PPP2R5B: variants seen among roughly 807,000 people sequenced by gnomAD.
PPP2R5B encodes protein phosphatase 2 regulatory subunit B'beta, also known as serine/threonine-protein phosphatase 2A 56 kDa regulatory subunit beta isoform.
PPP2R5B carries 19 observed loss-of-function variants against 59.9 expected under a neutral mutation model. The ratio of observed to expected loss-of-function variants is 0.32; its 90% CI spans 0.22 to 0.47. The LOEUF (loss-of-function observed/expected upper bound fraction) is 0.47. Among genes scored for constraint, PPP2R5B ranks in the 20% least tolerant of loss-of-function variants. The pLI is 1.00. For synonymous variants in PPP2R5B, 286 were observed against 260.5 expected (o/e 1.10, Z -0.94); for missense variants, 441 against 640.2 (o/e 0.69, Z 3.36).
intron 2 of PPP2R5B, among the ~76,000 whole-genome samples, chr11:64,926,239 G>A (rs1272066754): frequency 6.6e-6 from 1 of 152,242 alleles, no homozygotes; most frequent in Admixed American, 6.5e-5. Flanking sequence ...CCAGCTGCCA[G>A]ATCCCTGGAG....
At chr11:64,933,315 G>C in intron 13 of PPP2R5B, 69 bp downstream of exon 13, 1 of 1,352,894 alleles carries the variant, frequency 7.4e-7, no homozygotes, top group South Asian at 1.2e-5. Context: ...CATGGCTGGA[G>C]GGAACCCGAG....
chr11:64,930,671 A>C (rs373580271), intron 8 of PPP2R5B, 82 bp downstream of exon 8: 21 of 1,167,846 alleles, frequency 1.8e-5, no homozygotes, highest in Non-Finnish European at 2.6e-5. Context: ...CAGATCCTCC[A>C]GGGATCCTAT....
chr11:64,927,474 G>T (rs1945180574), intron 3 of PPP2R5B, among the ~76,000 whole-genome samples: 1 of 152,190 alleles, frequency 6.6e-6, no homozygotes, highest in African/African-American at 2.4e-5. Context: ...AGCACTTTGG[G>T]CCAAGGCGAG....
In PPP2R5B at chr11:64,930,319, C is replaced by T; in HGVS notation, c.723-3C>T. ...TGAGCCCACCTGCGTTCTTCTCTTG[C>T]AGGTTCATCTATGAATTCGAGCACT... On this transcript the variant is annotated splice_polypyrimidine_tract_variant and splice_region_variant and intron_variant, in intron 6 of 13. Transcript: ENST00000164133. The T allele has an allele frequency of 2.5e-6, 4 of 1,614,016 alleles. No homozygotes were observed. The highest frequency in any genetic ancestry group is 3.4e-6 in the Non-Finnish European group (4 of 1,179,956).
upstream of PPP2R5B, among the ~76,000 whole-genome samples, chr11:64,922,034 C>G (rs1364459498): frequency 1.3e-5 from 2 of 152,136 alleles, no homozygotes; most frequent in Non-Finnish European, 2.9e-5. Context: ...TAGCAAAACC[C>G]TGTCTCTACA....
Position 64,928,106 on chromosome 11 carries a change from ACTTCC to A in PPP2R5B, c.540_544del (p.Asp180GlufsTer22). 6.2e-7 allele frequency: 1 copy of A among 1,614,206 alleles called. No homozygotes were observed. Among genetic ancestry groups the A allele is most frequent in the South Asian group, 1.1e-5 (1 of 91,088 alleles). On this transcript the variant is annotated frameshift_variant, in exon 5 of 14. Transcript: ENST00000164133. LOFTEE classifies it high-confidence loss of function. ...TTCCTGCGTTTCTTGGAGAGCCCAG[ACTTCC>A]AGCCCTCCGTGGCCAAGAGATATGT...
At chr11:64,926,231 A>G (rs1342554610) in intron 2 of PPP2R5B, among the ~76,000 whole-genome samples, 1 of 152,230 alleles carries the variant, frequency 6.6e-6, no homozygotes, top group Non-Finnish European at 1.5e-5. Flanking sequence ...CAGCCCAGCC[A>G]GCTGCCAGAT....
intron 11 of PPP2R5B, among the ~76,000 whole-genome samples, chr11:64,932,402 T>C (rs1342581125): frequency 6.6e-6 from 1 of 152,218 alleles, no homozygotes; most frequent in African/African-American, 2.4e-5. Flanking sequence ...TTCTGGCACT[T>C]CGGTTCATTA....
chr11:64,930,475 C>T lies in PPP2R5B; in HGVS notation c.783-6C>T, dbSNP rs1945216809. On this transcript the variant is annotated splice_polypyrimidine_tract_variant and splice_region_variant and intron_variant, in intron 7 of 13. Transcript: ENST00000164133. The stretch of plus-strand genomic sequence containing the variant: ...GCCCTCTTCCTCTCTTCTGCCTCCT[C>T]CTCAGCATCATCAATGGCTTTGCGC... The T allele has an allele frequency of 6.2e-6, 10 of 1,614,126 alleles. No homozygotes were observed. Among genetic ancestry groups the T allele is most frequent in the African/African-American group, 1.3e-5 (1 of 75,032 alleles).
upstream of PPP2R5B, among the ~76,000 whole-genome samples, chr11:64,919,894 C>T (rs1293834464): frequency 6.6e-6 from 1 of 152,080 alleles, no homozygotes; most frequent in East Asian, 1.9e-4. Context: ...ACCAAGGCTA[C>T]GTGCCTAAAT....
At position 64,925,959 on chromosome 11, in the gene PPP2R5B, G is replaced by C. The variant is rs111337656; in HGVS notation, c.199+26G>C. The C allele has an allele frequency of 6.2e-7, 1 of 1,601,664 alleles. No individual in the cohort carries two copies. The highest frequency in any genetic ancestry group is 1.3e-5 in the African/African-American group (1 of 74,874). On this transcript the variant is annotated intron_variant, in intron 2 of 13. Transcript: ENST00000164133. This position sits in a 1 kb window ranked among gnomAD's most constrained non-coding sequence, Gnocchi z 4.6. ...GTGAGCTGGCTGCTGGCCACTGGGG[G>C]AACCGAACCCCCGAGGGGACCAGCA...
chr11:64,925,266 G>A lies in PPP2R5B; in HGVS notation c.-264-205G>A, dbSNP rs1945147484. 2.0e-5 allele frequency among the ~76,000 whole-genome samples: 3 copies of A among 152,100 alleles called. No homozygotes were observed. The highest frequency in any genetic ancestry group is 7.2e-5 in the African/African-American group (3 of 41,416). ...TGGGGGATAGGCCCTATTCTGGGAG[G>A]GGTTGTTTTGGAGGCTTTCTGTCTG... On this transcript the variant is annotated intron_variant, in intron 1 of 13. Transcript: ENST00000164133. The surrounding 1 kb of genome is among the most constrained non-coding windows in gnomAD (Gnocchi z 4.6).
At chr11:64,921,621 C>G (rs776091443), upstream of PPP2R5B, among the ~76,000 whole-genome samples, 2 of 152,110 alleles carry the variant, frequency 1.3e-5, no homozygotes, top group African/African-American at 4.8e-5. Flanking sequence ...GAGGGAAGGG[C>G]TTTCATGGAG....
At chr11:64,920,460 A>G (rs1275158689), upstream of PPP2R5B, among the ~76,000 whole-genome samples, 3 of 152,168 alleles carry the variant, frequency 2.0e-5, no homozygotes, top group African/African-American at 7.2e-5. Context: ...GTAGAAAACC[A>G]ACTCCAGAGA....
intron 3 of PPP2R5B, among the ~76,000 whole-genome samples, chr11:64,927,522 C>G (rs1388857745): frequency 6.6e-6 from 1 of 152,166 alleles, no homozygotes; most frequent in East Asian, 1.9e-4. Context: ...ACCAGCCTGA[C>G]AGTGAGACCG....
In PPP2R5B at chr11:64,931,299, G is replaced by T; in HGVS notation, c.892-137G>T. On this transcript the variant is annotated intron_variant, in intron 8 of 13. Transcript: ENST00000164133. The surrounding 1 kb of genome is among the most constrained non-coding windows in gnomAD (Gnocchi z 5.0). ...GTGATGCCTGGTACATCCTAGGCAG[G>T]TGATAAATGCTTGGTGAATAAGAAA... 1 of 917,108 alleles carries T rather than the reference G, an allele frequency of 1.1e-6. No individual in the cohort carries two copies. Among genetic ancestry groups the T allele is most frequent in the South Asian group, 1.5e-5 (1 of 67,858 alleles). 56.8% of individuals were successfully genotyped at this position (917,108 alleles called of 1,614,324 possible).
In PPP2R5B at chr11:64,925,460, G is replaced by C; in HGVS notation, c.-264-11G>C. The C allele has an allele frequency of 2.8e-6, 1 of 363,356 alleles. No homozygotes were observed. The highest frequency in any genetic ancestry group is 3.7e-5 in the South Asian group (1 of 26,954). 22.5% of individuals were successfully genotyped at this position (363,356 alleles called of 1,614,324 possible). A position where few individuals can be genotyped will look rare whatever the true frequency, so the allele number is the denominator to read the frequency against. On this transcript the variant is annotated splice_polypyrimidine_tract_variant and intron_variant, in intron 1 of 13. Coordinates refer to ENST00000164133, the MANE Select transcript of PPP2R5B (RefSeq NM_006244.4). This position sits in a 1 kb window ranked among gnomAD's most constrained non-coding sequence, Gnocchi z 4.6. ...CTTGCTGATCTTTCTGCCTGACTTC[G>C]TTTTCAAAAGAGCCAGGGTGGGAAC...
At position 64,932,895 on chromosome 11, in the gene PPP2R5B, G is replaced by T; in HGVS notation, c.1244+3G>T. The T allele has an allele frequency of 6.2e-7, 1 of 1,613,980 alleles. No homozygotes were observed. Among genetic ancestry groups the T allele is most frequent in the Non-Finnish European group, 8.5e-7 (1 of 1,179,906 alleles). On this transcript the variant is annotated splice_donor_region_variant and intron_variant, in intron 12 of 13. Transcript: ENST00000164133. ...GTCTCCAAGGAGCACTGGAACCAGT[G>T]AGTGCCAGGCCATGACCTAACTCAC...
At chr11:64,920,617 T>C (rs190467320), upstream of PPP2R5B, among the ~76,000 whole-genome samples, 15 of 148,936 alleles carry the variant, frequency 1.0e-4, no homozygotes, top group African/African-American at 3.5e-4. Context: ...CAAGCCCCAC[T>C]TTAGGTCCAG....
Sources: allele counts gnomAD v4.1 joint callset (sites outside exome capture counted in the v4.1 genomes callset), GRCh38; gene constraint gnomAD v4.1.1; non-coding constraint Gnocchi (gnomAD v3.1); transcripts MANE v1.5; gene names NCBI Gene and HGNC (gene_info 2026-07-23, HGNC 2026-07-21).